The following TRDN variants were observed in gnomAD, a reference collection of about 807,000 sequenced individuals.
TRDN encodes triadin in skeletal muscle.
In TRDN, 161 loss-of-function variants were observed where a neutral mutation model predicts 149.7. The observed-to-expected ratio is 1.08, with a 90% confidence interval of 0.95 to 1.23. The LOEUF (loss-of-function observed/expected upper bound fraction) is 1.23. TRDN is among the 50% of genes most tolerant of loss of function. The probability of loss-of-function intolerance (pLI) is 0.00; values close to 1 mark genes in which losing one functional copy is unlikely to be tolerated. For synonymous variants in TRDN, 294 were observed against 250.5 expected, an observed-to-expected ratio of 1.17 and a Z score of -1.64; for missense variants, 896 against 823.5, an observed-to-expected ratio of 1.09 and a Z score of -1.08.
At chr6:123,442,594 T>G (rs1299267783) in intron 10 of TRDN, among the ~76,000 whole-genome samples, 2 of 149,296 alleles carry the variant, frequency 1.3e-5, no homozygotes, top group Non-Finnish European at 3.0e-5. Flanking sequence ...TGCTTACTTG[T>G]GAGAAATGGA....
At chr6:123,465,466 C>T (rs554062053) in intron 9 of TRDN, among the ~76,000 whole-genome samples, 1 of 151,066 alleles carries the variant, frequency 6.6e-6, no homozygotes, top group South Asian at 2.1e-4. Flanking sequence ...ACATTTTTCC[C>T]TACCATAATA....
At chr6:123,427,105 AT>A (rs1562307769) in intron 12 of TRDN, among the ~76,000 whole-genome samples, 1 of 151,808 alleles carries the variant, frequency 6.6e-6, no homozygotes, top group South Asian at 2.1e-4. Context: ...AATAAATTTT[AT>A]TTTTTTAGTG....
intron 1 of TRDN, among the ~76,000 whole-genome samples, chr6:123,586,166 C>T (rs935137117): frequency 6.6e-6 from 1 of 152,104 alleles, no homozygotes; most frequent in Non-Finnish European, 1.5e-5. Context: ...GAGCATTAAC[C>T]TTGACTATGC....
At chr6:123,421,864 C>T (rs114538709) in intron 12 of TRDN, among the ~76,000 whole-genome samples, 1,675 of 151,010 alleles carry the variant, frequency 0.011, 30 homozygotes, top group African/African-American at 0.038. Flanking sequence ...GTCCCAGCAA[C>T]TCAGGGGACT....
intron 12 of TRDN, among the ~76,000 whole-genome samples, chr6:123,408,383 A>G (rs2114505249): frequency 6.6e-6 from 1 of 152,294 alleles, no homozygotes; most frequent in South Asian, 2.1e-4. Flanking sequence ...GTAACTTGAC[A>G]ATAATTGTTT....
intron 19 of TRDN, among the ~76,000 whole-genome samples, chr6:123,374,771 CA>C (rs11285633): frequency 0.17 from 26,222 of 150,512 alleles, 2,621 homozygotes; most frequent in African/African-American, 0.29. Context: ...AAGACTCCAT[CA>C]AAAAAAACAA....
In TRDN at chr6:123,571,006, C is replaced by T; in HGVS notation, c.149G>A (p.Trp50Ter). The T allele has an allele frequency of 6.2e-7, 1 of 1,613,970 alleles. No individual in the cohort carries two copies. The highest frequency in any genetic ancestry group is 8.5e-7 in the Non-Finnish European group (1 of 1,179,860). Reference protein sequence around the residue: ...IVTTFSSPAAWLLVIALIITW... With the variant: ...IVTTFSSPAA ...GATTATCAGGGCAATGACCAGAAGC[C>T]AGGCTGCAGGGGAGCTGAACGTCGT... Residue 50 changes from tryptophan (W) to a stop codon, truncating the protein, a stop_gained, in exon 2 of 41, where the codon TGG (tryptophan) becomes TAG (stop). Transcript: ENST00000334268. LOFTEE classifies it high-confidence loss of function.
At chr6:123,304,252 C>CTTTTTTTTTTTTT (rs71649806) in intron 24 of TRDN, among the ~76,000 whole-genome samples, 1 of 128,956 alleles carries the variant, frequency 7.8e-6, no homozygotes. Flanking sequence ...CTTTTATTTT[C>CTTTTTTTTTTTTT]TTTTTTTTTT....
At chr6:123,459,051 C>T (rs1776297847) in intron 10 of TRDN, among the ~76,000 whole-genome samples, 1 of 152,150 alleles carries the variant, frequency 6.6e-6, no homozygotes, top group South Asian at 2.1e-4. Context: ...ACTAGAGTTT[C>T]TCATAACATA....
At chr6:123,472,084 T>C (rs964766944) in intron 9 of TRDN, among the ~76,000 whole-genome samples, 3 of 152,208 alleles carry the variant, frequency 2.0e-5, no homozygotes, top group African/African-American at 4.8e-5. Flanking sequence ...TGAGCCAAGA[T>C]GGCCGAATAG....
chr6:123,520,955 G>A (rs564756448), intron 5 of TRDN, among the ~76,000 whole-genome samples: 30 of 152,274 alleles, frequency 2.0e-4, no homozygotes, highest in African/African-American at 7.0e-4. Flanking sequence ...AGTACAGGAA[G>A]ACTAAATGAA....
At chr6:123,250,097 A>C (rs1776322751) in intron 38 of TRDN, among the ~76,000 whole-genome samples, 1 of 152,172 alleles carries the variant, frequency 6.6e-6, no homozygotes, top group South Asian at 2.1e-4. Flanking sequence ...TTGCATTTAT[A>C]ACAGCTATAA....
At chr6:123,421,988 A>G (rs914695688) in intron 12 of TRDN, among the ~76,000 whole-genome samples, 1 of 152,062 alleles carries the variant, frequency 6.6e-6, no homozygotes, top group Non-Finnish European at 1.5e-5. Flanking sequence ...AAATATTTCC[A>G]AGAAAACAAT....
intron 10 of TRDN, chr6:123,464,637 C>G: frequency 8.4e-7 from 1 of 1,193,240 alleles, no homozygotes; most frequent in Non-Finnish European, 1.0e-6. Context: ...ATCTATTTGT[C>G]CCTATATTTT....
At chr6:123,257,866 A>T (rs556698184) in intron 35 of TRDN, among the ~76,000 whole-genome samples, 1 of 152,172 alleles carries the variant, frequency 6.6e-6, no homozygotes, top group African/African-American at 2.4e-5. Flanking sequence ...TGTAAGTTGT[A>T]TTCCTAGGTA....
rs577864840 is a variant in TRDN, at chr6:123,438,251, T to C, written c.992-129A>G. ...GAAATCTTAAATCAGCCATAAGTCA[T>C]GTCAAATATGAATAAGGTAGCACCT... On this transcript the variant is annotated intron_variant, in intron 11 of 40. Transcript: ENST00000334268. The C allele has an allele frequency of 9.4e-5, 63 of 667,540 alleles. No homozygotes were observed. In the African/African-American group the frequency reaches 1.0e-3, roughly 11 times the overall value. The allele number at this position is 667,540 out of a possible 1,614,324, so 41.4% of individuals were successfully genotyped here. A position where few individuals can be genotyped will look rare whatever the true frequency, so the allele number is the denominator to read the frequency against.
chr6:123,581,411 A>T (rs1783115501), intron 1 of TRDN, among the ~76,000 whole-genome samples: 1 of 152,188 alleles, frequency 6.6e-6, no homozygotes, highest in Non-Finnish European at 1.5e-5. Flanking sequence ...GTAGGGATCA[A>T]GTCATCTATC....
chr6:123,536,008 T>C (rs529762702), intron 4 of TRDN, among the ~76,000 whole-genome samples: 39 of 152,306 alleles, frequency 2.6e-4, no homozygotes, highest in Non-Finnish European at 4.1e-4. Context: ...AATTCAAATC[T>C]GATTTCCATA....
chr6:123,598,331 A>T (rs1784128239), intron 1 of TRDN, among the ~76,000 whole-genome samples: 1 of 152,118 alleles, frequency 6.6e-6, no homozygotes, highest in African/African-American at 2.4e-5. Context: ...AGGTTGAAGC[A>T]AAAATAACAG....
Sources: gnomAD v4.1 joint callset for allele counts (sites outside exome capture counted in the v4.1 genomes callset) on GRCh38, gnomAD v4.1.1 for gene constraint, MANE v1.5 for transcripts, NCBI Gene and HGNC (gene_info 2026-07-23, HGNC 2026-07-21) for gene names.